Variants in PRKG2 observed in about 807,000 individuals in gnomAD.
The protein encoded by PRKG2 is cGMP-dependent protein kinase 2.
Under a neutral mutation model 97.2 loss-of-function variants are expected in PRKG2, and 33 were observed. The ratio of observed to expected loss-of-function variants is 0.34; its 90% CI spans 0.26 to 0.45. PRKG2 has a LOEUF of 0.45. PRKG2 is among the 20% of genes least tolerant of loss of function. The pLI, the probability that PRKG2 is intolerant of heterozygous loss-of-function variation, is 1.00. For missense variants in PRKG2, 638 were observed against 900.0 expected, an observed-to-expected ratio of 0.71 and a Z score of 3.73; for synonymous variants, 330 against 321.8, an observed-to-expected ratio of 1.03 and a Z score of -0.27.
chr4:81,115,030 T>C (rs1046549780), intron 14 of PRKG2, among the ~76,000 whole-genome samples: 1 of 152,216 alleles, frequency 6.6e-6, no homozygotes, highest in African/African-American at 2.4e-5. Context: ...TGAATTTTTG[T>C]CCATTTTGCT....
intron 2 of PRKG2, among the ~76,000 whole-genome samples, chr4:81,188,272 A>T (rs1430068213): frequency 6.6e-6 from 1 of 151,026 alleles, no homozygotes; most frequent in East Asian, 1.9e-4. Flanking sequence ...ACATGAAAAA[A>T]TGCTCACCAT....
At chr4:81,131,910 G>A (rs957360252) in intron 14 of PRKG2, among the ~76,000 whole-genome samples, 4 of 151,798 alleles carry the variant, frequency 2.6e-5, no homozygotes, top group South Asian at 2.1e-4. Flanking sequence ...AGTGTTTATC[G>A]ACCCTTCTAA....
chr4:81,119,026 A>G (rs984997906), intron 14 of PRKG2, among the ~76,000 whole-genome samples: 1 of 152,144 alleles, frequency 6.6e-6, no homozygotes, highest in African/African-American at 2.4e-5. Flanking sequence ...CAAACTCCTG[A>G]GCTCAAGTGA....
intron 2 of PRKG2, among the ~76,000 whole-genome samples, chr4:81,201,852 A>T (rs1269520909): frequency 2.6e-5 from 4 of 152,212 alleles, no homozygotes. Context: ...TAGACAAAAA[A>T]ACTGAAGAGA....
At chr4:81,099,778 T>C (rs1421240959) in intron 17 of PRKG2, among the ~76,000 whole-genome samples, 2 of 152,184 alleles carry the variant, frequency 1.3e-5, no homozygotes, top group Non-Finnish European at 2.9e-5. Flanking sequence ...AAATTGTCCC[T>C]GTTTGCAGAT....
intron 2 of PRKG2, among the ~76,000 whole-genome samples, chr4:81,180,507 C>A (rs1337379287): frequency 1.3e-5 from 2 of 151,922 alleles, no homozygotes; most frequent in Non-Finnish European, 2.9e-5. Flanking sequence ...GGAAAGTAGA[C>A]CTTAATAAAA....
chr4:81,153,677 T>C lies in PRKG2; in HGVS notation c.957A>G (p.Glu319=). Residue 319 remains glutamate (E), a synonymous_variant, in exon 7 of 19, where the codon GAA becomes GAG. Coordinates refer to ENST00000264399, the MANE Select transcript of PRKG2 (RefSeq NM_006259.3). ...TTGCCAAAATGAAAAAGGTACTTCC[T>C]TCCTCGCCCTCTCTAATGATGTAAT... ...KGDYIIREGE[E]GSTFFILAKG... is the part of the protein sequence containing the mutation. 6.2e-7 allele frequency: 1 copy of C among 1,604,388 alleles called. No homozygotes were observed.
chr4:81,190,520 G>C (rs1188634117), intron 2 of PRKG2, among the ~76,000 whole-genome samples: 1 of 152,116 alleles, frequency 6.6e-6, no homozygotes, highest in Non-Finnish European at 1.5e-5. Flanking sequence ...TCAGGACATA[G>C]GCATGGGCAA....
At position 81,135,303 on chromosome 4, in the gene PRKG2, C is replaced by T. The variant is rs374404905; in HGVS notation, c.1635-7G>A. 2.4e-5 allele frequency: 39 copies of T among 1,611,296 alleles called. No homozygotes were observed. The African/African-American group carries it at 2.9e-4, about 12-fold the overall frequency. On this transcript the variant is annotated splice_region_variant and splice_polypyrimidine_tract_variant and intron_variant, in intron 13 of 18. Coordinates refer to ENST00000264399, the MANE Select transcript of PRKG2 (RefSeq NM_006259.3). Reference sequence around the variant, plus strand: ...GGGTTCATCAAAGCTGCCTCTGCAACGAAATCATTTTCCCTCTTAATACTT... The same window carrying T: ...GGGTTCATCAAAGCTGCCTCTGCAATGAAATCATTTTCCCTCTTAATACTT...
intron 4 of PRKG2, among the ~76,000 whole-genome samples, chr4:81,170,097 C>A (rs1750329898): frequency 6.6e-6 from 1 of 152,158 alleles, no homozygotes; most frequent in South Asian, 2.1e-4. Context: ...TGCTGTAATA[C>A]AAGAGAAAGG....
chr4:81,167,977 T>C (rs752472848), intron 5 of PRKG2, among the ~76,000 whole-genome samples: 34 of 152,088 alleles, frequency 2.2e-4, no homozygotes, highest in Non-Finnish European at 4.9e-4. Flanking sequence ...TATGATGTCT[T>C]ATAACTTACA....
chr4:81,183,766 C>G (rs1489490030), intron 2 of PRKG2, among the ~76,000 whole-genome samples: 1 of 152,058 alleles, frequency 6.6e-6, no homozygotes, highest in African/African-American at 2.4e-5. Context: ...ACTGCCAGTA[C>G]AGCAGTCTGA....
chr4:81,209,979 GA>G (rs1483950038), intron 1 of PRKG2, among the ~76,000 whole-genome samples: 1 of 152,056 alleles, frequency 6.6e-6, no homozygotes, highest in South Asian at 2.1e-4. Flanking sequence ...AGTCAATGGA[GA>G]AAGGATAGTC....
At chr4:81,195,089 G>C (rs1233582535) in intron 2 of PRKG2, among the ~76,000 whole-genome samples, 1 of 152,162 alleles carries the variant, frequency 6.6e-6, no homozygotes, top group Non-Finnish European at 1.5e-5. Flanking sequence ...CAACATGGAA[G>C]AGAGTTGAAG....
At chr4:81,159,891 T>C (rs1185989210) in intron 6 of PRKG2, among the ~76,000 whole-genome samples, 2 of 141,228 alleles carry the variant, frequency 1.4e-5, no homozygotes, top group African/African-American at 2.7e-5. Flanking sequence ...TTCTCACTCA[T>C]AGATGGGAAT....
At chr4:81,148,815 T>C (rs1215146006) in intron 9 of PRKG2, 69 bp downstream of exon 9, 6 of 1,349,944 alleles carry the variant, frequency 4.4e-6, no homozygotes, top group South Asian at 3.5e-5. Flanking sequence ...CAGATCGGCC[T>C]TGAAGTAACA....
chr4:81,093,406 A>T (rs6810933), intron 17 of PRKG2, among the ~76,000 whole-genome samples: 1 of 120,096 alleles, frequency 8.3e-6, no homozygotes, highest in African/African-American at 3.6e-5. Flanking sequence ...CACACACACA[A>T]GCTTCTTATC....
intron 17 of PRKG2, among the ~76,000 whole-genome samples, chr4:81,095,455 T>C (rs562200890): frequency 6.6e-6 from 1 of 152,206 alleles, no homozygotes; most frequent in Non-Finnish European, 1.5e-5. Flanking sequence ...CAATTCCTTT[T>C]AACATATTTT....
At chr4:81,176,195 A>G (rs1316745330) in intron 2 of PRKG2, among the ~76,000 whole-genome samples, 1 of 152,136 alleles carries the variant, frequency 6.6e-6, no homozygotes, top group East Asian at 1.9e-4. Context: ...GAGAAGTTCC[A>G]TCTAATCTAT....
Sources: gnomAD v4.1 joint callset for allele counts (sites outside exome capture counted in the v4.1 genomes callset) on GRCh38, gnomAD v4.1.1 for gene constraint, MANE v1.5 for transcripts, NCBI Gene and HGNC (gene_info 2026-07-23, HGNC 2026-07-21) for gene names.